Variants in CPXM2 observed in about 807,000 individuals in gnomAD.
CPXM2 encodes carboxypeptidase X, M14 family member 2.
CPXM2 carries 66 observed loss-of-function variants against 86.1 expected under a neutral mutation model. That is an observed-to-expected ratio of 0.77 (90% CI 0.63 to 0.94). The LOEUF is 0.94. Among genes scored for constraint, CPXM2 ranks in the 40% least tolerant of loss-of-function variants. CPXM2 has a pLI of 0.00. For synonymous variants in CPXM2, 388 were observed against 400.2 expected (o/e 0.97, Z 0.36); for missense variants, 948 against 1,026.3 (o/e 0.92, Z 1.04).
In CPXM2 at chr10:123,746,479, C is replaced by A. The variant is rs529002238; in HGVS notation, c.*285G>T. On this transcript the variant is annotated 3_prime_UTR_variant, in exon 14 of 14. Coordinates refer to ENST00000241305, the MANE Select transcript of CPXM2 (RefSeq NM_198148.3). ...GGCTCTGAACGGACAGGCTCCCCTCCTTCTCCTTCTCTCTCTGATTCCCAG... is the reference window on the plus strand; with the variant it reads ...GGCTCTGAACGGACAGGCTCCCCTCATTCTCCTTCTCTCTCTGATTCCCAG... The A allele has an allele frequency of 1.3e-4, 62 of 466,582 alleles. 1 individual carries two copies. The South Asian group carries it at 1.8e-3, about 14-fold the overall frequency. The allele number at this position is 466,582 out of a possible 1,614,324, so 28.9% of individuals were successfully genotyped here. A position where few individuals can be genotyped will look rare whatever the true frequency, so the allele number is the denominator to read the frequency against.
intron 2 of CPXM2, among the ~76,000 whole-genome samples, chr10:123,875,807 C>CTTTTTTTT (rs780970130): frequency 3.5e-5 from 3 of 84,676 alleles, no homozygotes; most frequent in East Asian, 3.7e-4. Context: ...TCTTTTCTTT[C>CTTTTTTTT]TTTTTTTTTT....
intron 13 of CPXM2, chr10:123,752,636 G>A (rs2133970507): frequency 1.0e-6 from 1 of 984,874 alleles, no homozygotes; most frequent in Non-Finnish European, 1.2e-6. Context: ...AGGATCATGG[G>A]AACAGTTTGC....
chr10:123,874,315 T>G (rs553991434), intron 2 of CPXM2, among the ~76,000 whole-genome samples: 6 of 152,196 alleles, frequency 3.9e-5, no homozygotes, highest in East Asian at 1.9e-4. Context: ...GTCTCTTTTA[T>G]AAGTTCACTA....
At chr10:123,870,262 G>A (rs1305880404) in intron 2 of CPXM2, among the ~76,000 whole-genome samples, 3 of 152,154 alleles carry the variant, frequency 2.0e-5, no homozygotes, top group African/African-American at 7.2e-5. Flanking sequence ...GAAAACTCGA[G>A]AGCATAACAC....
chr10:123,757,254 A>G lies in CPXM2; in HGVS notation c.1876T>C (p.Trp626Arg), dbSNP rs764195020. The change falls in exon 12 of 14, where the codon TGG becomes CGG. Residue 626 changes from tryptophan (W) to arginine (R), a missense_variant. Physicochemically the swap from Trp to Arg is moderately radical, Grantham distance 101 (BLOSUM62 -3). Transcript: ENST00000241305. ...ATCAGAGATTCCCGGTTATTCTCCC[A>G]CTCCTCGGGCAGCTGGCTCTCATGT... ...YPHESQLPEEWENNRESLIVF... is the reference protein window; with the variant it reads ...YPHESQLPEERENNRESLIVF... 10 of 1,613,466 alleles carry G rather than the reference A, an allele frequency of 6.2e-6. No homozygotes were observed. The East Asian group carries it at 2.2e-4, about 36-fold the overall frequency.
chr10:123,881,230 T>TCCCCCCCC (rs1564811045), intron 1 of CPXM2, among the ~76,000 whole-genome samples: 5 of 66,892 alleles, frequency 7.5e-5, no homozygotes, highest in Non-Finnish European at 1.2e-4. Context: ...GGAGCACCCT[T>TCCCCCCCC]CTCTTCCCTT....
intron 2 of CPXM2, among the ~76,000 whole-genome samples, chr10:123,870,545 A>C (rs1342754760): frequency 2.0e-5 from 3 of 152,192 alleles, no homozygotes; most frequent in African/African-American, 7.2e-5. Context: ...TGAAGTGTGA[A>C]GGCAGCTTCC....
chr10:123,825,436 A>G (rs7100567), intron 4 of CPXM2, among the ~76,000 whole-genome samples: 23,724 of 152,160 alleles, frequency 0.16, 2,011 homozygotes, highest in East Asian at 0.33. Context: ...TGTTCTCCCC[A>G]TCTTCTTCTC....
At position 123,773,953 on chromosome 10, in the gene CPXM2, C is replaced by T. The variant is rs115052886; in HGVS notation, c.979-2914G>A. ...CACCCTCTCCCTAGAGGCTGCCTTG[C>T]CTCGCGTCACTGAATGAGTATCTGT... On this transcript the variant is annotated intron_variant, in intron 7 of 13. Transcript: ENST00000241305. Among the ~76,000 whole-genome samples the T allele has an allele frequency of 6.0e-3, 908 of 152,304 alleles. 5 individuals are homozygous for T. The highest frequency in any genetic ancestry group is 0.021 in the African/African-American group (862 of 41,560).
intron 12 of CPXM2, among the ~76,000 whole-genome samples, chr10:123,755,993 C>T (rs1846197501): frequency 6.6e-6 from 1 of 152,156 alleles, no homozygotes; most frequent in Non-Finnish European, 1.5e-5. Flanking sequence ...AGACTCACAC[C>T]CTTCTGTGCC....
intron 6 of CPXM2, among the ~76,000 whole-genome samples, chr10:123,787,675 G>T (rs374755964): frequency 6.6e-6 from 1 of 152,158 alleles, no homozygotes; most frequent in Non-Finnish European, 1.5e-5. Flanking sequence ...TCTGCTTGCT[G>T]TTTGCTGCCT....
intron 2 of CPXM2, among the ~76,000 whole-genome samples, chr10:123,909,290 G>A (rs2134268711): frequency 6.6e-6 from 1 of 152,258 alleles, no homozygotes; most frequent in East Asian, 1.9e-4. Flanking sequence ...GGCCTGCAGG[G>A]GGGACTCGCC....
At chr10:123,866,908 T>C (rs1205592827) in intron 2 of CPXM2, among the ~76,000 whole-genome samples, 1 of 152,234 alleles carries the variant, frequency 6.6e-6, no homozygotes, top group African/African-American at 2.4e-5. Context: ...TTTTTCCCTT[T>C]GATAGCCTCC....
At chr10:123,919,689 G>A (rs1438451053) in intron 2 of CPXM2, among the ~76,000 whole-genome samples, 1 of 152,222 alleles carries the variant, frequency 6.6e-6, no homozygotes, top group Non-Finnish European at 1.5e-5. Context: ...TTGAAGACAA[G>A]TTGCTTTGTC....
chr10:123,845,504 C>A (rs1030558614), intron 3 of CPXM2, among the ~76,000 whole-genome samples: 2 of 151,956 alleles, frequency 1.3e-5, no homozygotes, highest in Non-Finnish European at 2.9e-5. Context: ...TTTAAAATGT[C>A]AGCAACTTTT....
intron 13 of CPXM2, among the ~76,000 whole-genome samples, chr10:123,753,929 G>C (rs1412750257): frequency 6.6e-6 from 1 of 152,140 alleles, no homozygotes; most frequent in Non-Finnish European, 1.5e-5. Flanking sequence ...TGGGAGCTGA[G>C]TCTCCCTGAA....
chr10:123,856,963 C>T (rs568741685), intron 3 of CPXM2, among the ~76,000 whole-genome samples: 33 of 152,172 alleles, frequency 2.2e-4, no homozygotes, highest in African/African-American at 7.2e-4. Context: ...CCAATCTGTC[C>T]GTAGTTGCTC....
intron 4 of CPXM2, among the ~76,000 whole-genome samples, chr10:123,802,556 AT>A (rs1847483660): frequency 6.6e-6 from 1 of 152,164 alleles, no homozygotes; most frequent in East Asian, 1.9e-4. Context: ...TTTATTGCTA[AT>A]GGGGATTTGA....
chr10:123,798,488 G>A (rs545631981), intron 5 of CPXM2, among the ~76,000 whole-genome samples: 14 of 152,296 alleles, frequency 9.2e-5, no homozygotes, highest in African/African-American at 3.1e-4. Context: ...ATTTAGATCC[G>A]TAGGGATGAG....
Sources: gnomAD v4.1 joint callset for allele counts (sites outside exome capture counted in the v4.1 genomes callset) on GRCh38, gnomAD v4.1.1 for gene constraint, MANE v1.5 for transcripts, NCBI Gene and HGNC (gene_info 2026-07-23, HGNC 2026-07-21) for gene names.